Variants in NAV2 observed in about 807,000 individuals in gnomAD.
The protein encoded by NAV2 is helicase, APC down-regulated 1.
NAV2 carries 54 observed loss-of-function variants against 223.2 expected under a neutral mutation model. The ratio of observed to expected loss-of-function variants is 0.24; its 90% CI spans 0.19 to 0.30. The LOEUF is 0.30. Among genes scored for constraint, NAV2 ranks in the 10% least tolerant of loss-of-function variants. The pLI, the probability that NAV2 is intolerant of heterozygous loss-of-function variation, is 1.00. For missense variants in NAV2, 2,806 were observed against 3,147.5 expected (o/e 0.89, Z 2.60); for synonymous variants, 1,279 against 1,239.3 (o/e 1.03, Z -0.67).
chr11:19,441,093 T>C (rs1189161305), intron 1 of NAV2, among the ~76,000 whole-genome samples: 1 of 152,172 alleles, frequency 6.6e-6, no homozygotes. Context: ...GAAGCCTTTA[T>C]TGAGATATTG....
chr11:19,701,684 C>G (rs2049515118), intron 1 of NAV2, among the ~76,000 whole-genome samples: 1 of 152,164 alleles, frequency 6.6e-6, no homozygotes, highest in South Asian at 2.1e-4. Context: ...AGAAAGTTGC[C>G]AGGCAAATTT....
intron 4 of NAV2, among the ~76,000 whole-genome samples, chr11:19,873,618 TCTC>T (rs900802728): frequency 2.0e-5 from 3 of 152,132 alleles, no homozygotes; most frequent in Non-Finnish European, 4.4e-5. Context: ...TACTGAGTTT[TCTC>T]CTCCTTTCAT....
chr11:19,727,199 ATTAGAGG>A (rs1229235613), intron 1 of NAV2, among the ~76,000 whole-genome samples: 3 of 152,204 alleles, frequency 2.0e-5, no homozygotes, highest in Admixed American at 6.5e-5. Context: ...TGCAGCAGTA[ATTAGAGG>A]GCCTTGACTC....
intron 1 of NAV2, among the ~76,000 whole-genome samples, chr11:19,742,949 T>G (rs2052984668): frequency 6.6e-6 from 1 of 152,230 alleles, no homozygotes; most frequent in South Asian, 2.1e-4. Context: ...TTATTAAAGA[T>G]GTCAAAGTTT....
Position 20,120,838 on chromosome 11 carries a change from A to C in NAV2, c.*2580A>C, listed in dbSNP as rs1220467013. ...TCATATTTTTACTTTAGTGTCACTC[A>C]CCTTTTACAAAGTGACTTTGTACTC... On this transcript the variant is annotated 3_prime_UTR_variant, in exon 38 of 38. Coordinates refer to ENST00000349880, the MANE Select transcript of NAV2 (RefSeq NM_145117.5). The C allele has an allele frequency of 6.6e-6, 1 of 151,728 alleles. No individual in the cohort carries two copies. Among genetic ancestry groups the C allele is most frequent in the Non-Finnish European group, 1.5e-5 (1 of 67,856 alleles). 9.4% of individuals were successfully genotyped at this position (151,728 alleles called of 1,614,324 possible).
At chr11:19,484,267 C>T (rs1564974937) in intron 1 of NAV2, among the ~76,000 whole-genome samples, 1 of 152,174 alleles carries the variant, frequency 6.6e-6, no homozygotes, top group East Asian at 1.9e-4. Context: ...TTGGAAGGTA[C>T]TTTGGGGTCG....
intron 1 of NAV2, among the ~76,000 whole-genome samples, chr11:19,789,591 T>G (rs78360924): frequency 0.078 from 11,841 of 152,270 alleles, 468 homozygotes; most frequent in Middle Eastern, 0.11. Context: ...TTAGACTGGT[T>G]GGTGTACAGA....
At chr11:19,922,338 C>A (rs970570904) in intron 6 of NAV2, among the ~76,000 whole-genome samples, 1 of 152,052 alleles carries the variant, frequency 6.6e-6, no homozygotes, top group Non-Finnish European at 1.5e-5. Context: ...GTTCTTCTAC[C>A]GTTGCCTTTT....
chr11:19,856,823 T>G (rs977587244), intron 3 of NAV2, among the ~76,000 whole-genome samples: 5 of 152,232 alleles, frequency 3.3e-5, no homozygotes, highest in African/African-American at 1.2e-4. Context: ...TCAAAGGTAT[T>G]TGCTTGGCTT....
intron 1 of NAV2, among the ~76,000 whole-genome samples, chr11:19,804,311 C>T (rs1353312100): frequency 6.6e-6 from 1 of 152,234 alleles, no homozygotes; most frequent in African/African-American, 2.4e-5. Flanking sequence ...TCTTTGTAAG[C>T]TATCCCTCTC....
intron 1 of NAV2, among the ~76,000 whole-genome samples, chr11:19,498,964 T>C (rs572742283): frequency 6.6e-6 from 1 of 152,346 alleles, no homozygotes; most frequent in African/African-American, 2.4e-5. Flanking sequence ...AAATCATTAG[T>C]TTAAACTTCT....
intron 1 of NAV2, among the ~76,000 whole-genome samples, chr11:19,771,807 T>C (rs1011188706): frequency 7.2e-5 from 11 of 152,134 alleles, no homozygotes; most frequent in African/African-American, 2.4e-4. Flanking sequence ...TGGGGGCGTA[T>C]TCATTCATTC....
intron 14 of NAV2, 151 bp downstream of exon 14, chr11:20,045,821 G>C: frequency 1.5e-6 from 1 of 672,392 alleles, no homozygotes. Context: ...CAGTTTTGCA[G>C]TTGACTATTT....
intron 1 of NAV2, among the ~76,000 whole-genome samples, chr11:19,588,193 C>T (rs1308644949): frequency 1.3e-5 from 2 of 152,218 alleles, no homozygotes; most frequent in Admixed American, 6.5e-5. Flanking sequence ...CTGTTGACCC[C>T]AGAGTCCACT....
chr11:20,018,279 G>A (rs866840253), intron 11 of NAV2, among the ~76,000 whole-genome samples: 8 of 151,502 alleles, frequency 5.3e-5, no homozygotes, highest in Middle Eastern at 3.4e-3. Context: ...GCTTGAACCC[G>A]GGAGGTGGAG....
At chr11:19,792,627 C>T (rs529895199) in intron 1 of NAV2, among the ~76,000 whole-genome samples, 1 of 152,346 alleles carries the variant, frequency 6.6e-6, no homozygotes, top group African/African-American at 2.4e-5. Flanking sequence ...CACTCAGACT[C>T]TGCCTGGATG....
chr11:19,941,296 C>A (rs1399585187), intron 8 of NAV2, among the ~76,000 whole-genome samples: 2 of 151,906 alleles, frequency 1.3e-5, no homozygotes, highest in African/African-American at 4.8e-5. Context: ...GACTGTGCAG[C>A]CAGTAGTGCT....
At chr11:19,387,763 T>C (rs1475473759) in intron 1 of NAV2, among the ~76,000 whole-genome samples, 2 of 152,200 alleles carry the variant, frequency 1.3e-5, no homozygotes, top group Admixed American at 6.5e-5. Context: ...AGTCTTCCTC[T>C]TTGCTCTAAT....
intron 22 of NAV2, among the ~76,000 whole-genome samples, chr11:20,072,093 C>A (rs1591983702): frequency 6.6e-6 from 1 of 152,270 alleles, no homozygotes; most frequent in South Asian, 2.1e-4. Context: ...ATTCTTTAAT[C>A]CATCTTGGGT....
Sources: gnomAD v4.1 joint callset for allele counts (sites outside exome capture counted in the v4.1 genomes callset) on GRCh38, gnomAD v4.1.1 for gene constraint, MANE v1.5 for transcripts, NCBI Gene and HGNC (gene_info 2026-07-23, HGNC 2026-07-21) for gene names.